Variants in COL12A1 observed in about 807,000 individuals in gnomAD.
COL12A1 encodes the protein collagen type XII alpha 1 chain, also known as collagen alpha-1(XII) chain.
A neutral mutation model predicts 349.7 loss-of-function variants in COL12A1; 114 were observed. That is an observed-to-expected ratio of 0.33 (90% CI 0.28 to 0.38). The LOEUF (loss-of-function observed/expected upper bound fraction) is 0.38, where lower values mean the gene tolerates loss of function less well. Among genes scored for constraint, COL12A1 ranks in the 10% least tolerant of loss-of-function variants. The pLI, the probability that COL12A1 is intolerant of heterozygous loss-of-function variation, is 1.00. For synonymous variants in COL12A1, 1,369 were observed against 1,329.0 expected (o/e 1.03, Z -0.66); for missense variants, 3,284 against 3,756.9 (o/e 0.87, Z 3.29).
intron 24 of COL12A1, among the ~76,000 whole-genome samples, chr6:75,145,773 A>G (rs1004702474): frequency 6.6e-6 from 1 of 152,016 alleles, no homozygotes; most frequent in African/African-American, 2.4e-5. Flanking sequence ...CTGGGACTAC[A>G]GGTACTTGCC....
At chr6:75,115,740 T>G (rs1229092508) in intron 49 of COL12A1, 44 bp downstream of exon 49, 1 of 1,557,256 alleles carries the variant, frequency 6.4e-7, no homozygotes, top group South Asian at 1.2e-5. Context: ...CAAGAACTTT[T>G]TGCAGGTCTT....
chr6:75,117,367 T>A lies in COL12A1; in HGVS notation c.7519+15A>T. The A allele has an allele frequency of 6.2e-7, 1 of 1,612,342 alleles. No homozygotes were observed. Among genetic ancestry groups the A allele is most frequent in the Non-Finnish European group, 8.5e-7 (1 of 1,178,800 alleles). On this transcript the variant is annotated intron_variant, in intron 47 of 65. Coordinates refer to ENST00000322507, the MANE Select transcript of COL12A1 (RefSeq NM_004370.6). The stretch of plus-strand genomic sequence containing the variant: ...GAATAAGTGAGGTTATAGATCCATG[T>A]TGACTGTGACTTACTTGAAGTGGCA...
chr6:75,130,659 C>T (rs376607752), intron 36 of COL12A1, among the ~76,000 whole-genome samples, 193 bp downstream of exon 36: 139 of 152,182 alleles, frequency 9.1e-4, no homozygotes, highest in African/African-American at 3.0e-3. Flanking sequence ...CAAATGAGAA[C>T]ACGAACAGAA....
chr6:75,095,526 A>G (rs2149334108), intron 59 of COL12A1, among the ~76,000 whole-genome samples: 1 of 149,438 alleles, frequency 6.7e-6, no homozygotes, highest in Non-Finnish European at 1.5e-5. Flanking sequence ...CTGAGGCAGG[A>G]GAATGGCGTG....
intron 6 of COL12A1, 61 bp from the exon 7 acceptor site, chr6:75,189,442 A>G (rs931509946): frequency 4.4e-6 from 7 of 1,579,700 alleles, no homozygotes; most frequent in African/African-American, 1.4e-5. Flanking sequence ...AAAGTCAAAA[A>G]CTATGTGAAC....
chr6:75,192,497 C>T (rs1263453273), intron 3 of COL12A1, 142 bp from the exon 4 acceptor site: 3 of 694,950 alleles, frequency 4.3e-6, no homozygotes, highest in Admixed American at 3.5e-5. Context: ...TTATTTTTTA[C>T]TGCCTTCCAA....
At chr6:75,096,034 T>C (rs1768009576) in intron 59 of COL12A1, among the ~76,000 whole-genome samples, 1 of 152,210 alleles carries the variant, frequency 6.6e-6, no homozygotes, top group Admixed American at 6.5e-5. Context: ...CACACTTTCA[T>C]TCCCTTCCAT....
chr6:75,087,861 T>C, intron 64 of COL12A1, 114 bp from the exon 65 acceptor site: 1 of 1,099,330 alleles, frequency 9.1e-7, no homozygotes, highest in Non-Finnish European at 1.3e-6. Flanking sequence ...AATTTACTAT[T>C]GTATGGTAAG....
intron 25 of COL12A1, among the ~76,000 whole-genome samples, chr6:75,143,778 C>T (rs975799554): frequency 6.6e-6 from 1 of 152,050 alleles, no homozygotes; most frequent in Non-Finnish European, 1.5e-5. Flanking sequence ...GAGTTATGCA[C>T]CCTCAAGAAC....
chr6:75,109,472 A>T (rs1768725681), intron 51 of COL12A1, among the ~76,000 whole-genome samples: 1 of 152,144 alleles, frequency 6.6e-6, no homozygotes, highest in South Asian at 2.1e-4. Flanking sequence ...AGATGAAATG[A>T]CTTTGTAAGC....
intron 23 of COL12A1, 78 bp from the exon 24 acceptor site, chr6:75,146,322 T>C: frequency 1.4e-6 from 2 of 1,424,376 alleles, no homozygotes; most frequent in Admixed American, 2.7e-5. Flanking sequence ...TGTACTCAAT[T>C]ATTGATATTT....
In COL12A1 at chr6:75,137,428, A is replaced by T; in HGVS notation, c.5394+9T>A. The T allele has an allele frequency of 6.4e-7, 1 of 1,561,738 alleles. No individual in the cohort carries two copies. ...TTAATCCAAGTTATAATTTTTATTA[A>T]AAAATTACCGTTTGCTCATTGCCTT... On this transcript the variant is annotated intron_variant, in intron 31 of 65. Coordinates refer to ENST00000322507, the MANE Select transcript of COL12A1 (RefSeq NM_004370.6).
At chr6:75,194,245 T>G (rs1023296072) in intron 3 of COL12A1, among the ~76,000 whole-genome samples, 5 of 152,198 alleles carry the variant, frequency 3.3e-5, no homozygotes, top group Non-Finnish European at 7.3e-5. Context: ...CAATAGAGTT[T>G]GGTTCTCCAC....
chr6:75,168,187 G>C (rs240719), intron 13 of COL12A1, among the ~76,000 whole-genome samples: 5,213 of 152,226 alleles, frequency 0.034, 295 homozygotes, highest in African/African-American at 0.12. Context: ...AGTTTGATAA[G>C]AATATTCCTA....
chr6:75,165,626 T>C lies in COL12A1; in HGVS notation c.2864A>G (p.Glu955Gly). The change falls in exon 14 of 66, where the codon GAA (glutamate) becomes GGA (glycine). Residue 955 changes from glutamate (E) to glycine (G), a missense_variant. Around this residue, in one of 2 missense-constraint regions of COL12A1, gnomAD observed 2,601 missense variants for 2,824.8 expected, o/e 0.92. Transcript: ENST00000322507. Reference protein sequence around the residue: ...DVDTGEKNLPEDAIHTMIENL... With the variant: ...DVDTGEKNLPGDAIHTMIENL... ...TTCTATCATCGTATGAATTGCATCT[T>C]CAGGCAGATTTTTCTCTCCAGTGTC... The C allele has an allele frequency of 1.2e-6, 2 of 1,614,016 alleles. No homozygotes were observed. The highest frequency in any genetic ancestry group is 1.7e-6 in the Non-Finnish European group (2 of 1,179,934).
Position 75,188,345 on chromosome 6 carries a change from C to T in COL12A1, c.997+17G>A, listed in dbSNP as rs768627015. On this transcript the variant is annotated intron_variant, in intron 8 of 65. Transcript: ENST00000322507. Reference sequence around the variant, plus strand: ...GGAAAAGACTAACACATGGGGAATGCTACACAGTCTACTCACCTTCTTCTC... The same window carrying T: ...GGAAAAGACTAACACATGGGGAATGTTACACAGTCTACTCACCTTCTTCTC... The T allele has an allele frequency of 7.5e-6, 12 of 1,607,474 alleles. No homozygotes were observed. The highest frequency in any genetic ancestry group is 9.3e-6 in the Non-Finnish European group (11 of 1,177,442).
At chr6:75,179,389 A>T (rs536937611) in intron 11 of COL12A1, among the ~76,000 whole-genome samples, 1 of 152,150 alleles carries the variant, frequency 6.6e-6, no homozygotes, top group Non-Finnish European at 1.5e-5. Flanking sequence ...GTCATCGAGC[A>T]GCAGTGTGGG....
At position 75,177,669 on chromosome 6, in the gene COL12A1, C is replaced by T. The variant is rs746059124; in HGVS notation, c.2431G>A (p.Glu811Lys). 8 of 1,614,008 alleles carry T rather than the reference C, an allele frequency of 5.0e-6. No individual in the cohort carries two copies. The African/African-American group carries it at 1.1e-4, about 22-fold the overall frequency. Residue 811 changes from glutamate to lysine, a missense_variant, in exon 12 of 66, where the codon GAA becomes AAA. By Grantham distance (56) the Glu-to-Lys change is moderately conservative (BLOSUM62 1). Around this residue, in one of 2 missense-constraint regions of COL12A1, gnomAD observed 2,601 missense variants for 2,824.8 expected, o/e 0.92. Coordinates refer to ENST00000322507, the MANE Select transcript of COL12A1 (RefSeq NM_004370.6). ...GTPLTGNAAT[E>K]EVRGNPRDLR... Reference sequence around the variant, plus strand: ...ATAAGCATATTTCCTCTACCTTCTTCAGTGGCTGCATTTCCAGTTAATGGA... The same window carrying T: ...ATAAGCATATTTCCTCTACCTTCTTTAGTGGCTGCATTTCCAGTTAATGGA...
chr6:75,107,268 G>C (rs1383676506), intron 52 of COL12A1, among the ~76,000 whole-genome samples: 1 of 151,582 alleles, frequency 6.6e-6, no homozygotes, highest in Non-Finnish European at 1.5e-5. Context: ...AATCAAATTT[G>C]TTTTTTGTTT....
Sources: allele counts gnomAD v4.1 joint callset (sites outside exome capture counted in the v4.1 genomes callset), GRCh38; gene constraint gnomAD v4.1.1; regional missense constraint gnomAD v4.1.1; transcripts MANE v1.5; gene names NCBI Gene and HGNC (gene_info 2026-07-23, HGNC 2026-07-21).